The following XKR9 variants were observed in gnomAD, a reference collection of about 807,000 sequenced individuals.
The protein encoded by XKR9 is XK-related protein 9.
Under a neutral mutation model 32.0 loss-of-function variants are expected in XKR9, and 32 were observed. The observed-to-expected ratio is 1.00, with a 90% confidence interval of 0.76 to 1.34. The LOEUF (loss-of-function observed/expected upper bound fraction) is 1.34. Ranked by LOEUF, XKR9 falls within the 40% of genes most tolerant of loss-of-function variation. XKR9 has a pLI of 0.00. For synonymous variants in XKR9, 168 were observed against 143.4 expected, an observed-to-expected ratio of 1.17 and a Z score of -1.22; for missense variants, 546 against 429.7, an observed-to-expected ratio of 1.27 and a Z score of -2.39.
the XKR9 span, among the ~76,000 whole-genome samples, chr8:70,926,037 T>C: frequency 1.3e-5 from 2 of 152,324 alleles, no homozygotes; most frequent in East Asian, 3.9e-4. Context: ...CTTGTTATAC[T>C]GGAAAAAATA....
the XKR9 span, among the ~76,000 whole-genome samples, chr8:70,837,687 T>C: frequency 4.6e-5 from 7 of 152,056 alleles, 1 homozygote; most frequent in South Asian, 1.5e-3. Flanking sequence ...CAACCCTGGT[T>C]TGGAGGCAGC....
At chr8:70,720,660 T>C (rs1466357584) in intron 4 of XKR9, among the ~76,000 whole-genome samples, 1 of 152,140 alleles carries the variant, frequency 6.6e-6, no homozygotes, top group East Asian at 1.9e-4. Context: ...GACTTGATCG[T>C]GGTAGATAAG....
chr8:70,807,831 A>G, the XKR9 span, among the ~76,000 whole-genome samples: 1 of 152,308 alleles, frequency 6.6e-6, no homozygotes. Flanking sequence ...TTAACACCCC[A>G]CTGTCAATAT....
chr8:70,778,982 T>G (rs1807574213), intron 2 of XKR9, among the ~76,000 whole-genome samples: 1 of 152,218 alleles, frequency 6.6e-6, no homozygotes, highest in Non-Finnish European at 1.5e-5. Flanking sequence ...CTTCCAACAC[T>G]ATGTTGAATA....
the XKR9 span, among the ~76,000 whole-genome samples, chr8:71,051,409 T>A: frequency 6.6e-6 from 1 of 152,218 alleles, no homozygotes; most frequent in Non-Finnish European, 1.5e-5. Flanking sequence ...AAGAGAGGCC[T>A]TTTCTGTTGA....
chr8:71,004,544 T>C, the XKR9 span, among the ~76,000 whole-genome samples: 1 of 152,374 alleles, frequency 6.6e-6, no homozygotes, highest in South Asian at 2.1e-4. Context: ...AGCAGCTCCT[T>C]ACCAGACACT....
intron 4 of XKR9, among the ~76,000 whole-genome samples, chr8:70,709,419 C>G (rs1259305049): frequency 2.0e-5 from 3 of 152,186 alleles, no homozygotes; most frequent in Admixed American, 6.5e-5. Flanking sequence ...TCTCACCACT[C>G]CTGCTCCACA....
intron 2 of XKR9, among the ~76,000 whole-genome samples, chr8:70,759,453 G>A (rs1807276706): frequency 6.6e-6 from 1 of 152,182 alleles, no homozygotes; most frequent in Non-Finnish European, 1.5e-5. Context: ...CCTTTTTATT[G>A]TGAGATAGGT....
At chr8:70,938,697 G>A in the XKR9 span, among the ~76,000 whole-genome samples, 1 of 152,028 alleles carries the variant, frequency 6.6e-6, no homozygotes, top group South Asian at 2.1e-4. Flanking sequence ...TTTTTCGCTG[G>A]CCGTTTAGTA....
intron 4 of XKR9, among the ~76,000 whole-genome samples, chr8:70,727,500 A>G (rs1193775764): frequency 6.6e-6 from 1 of 152,104 alleles, no homozygotes; most frequent in Non-Finnish European, 1.5e-5. Flanking sequence ...TCCCGGATTC[A>G]GTCGATTCTT....
At chr8:70,880,811 C>A in the XKR9 span, among the ~76,000 whole-genome samples, 1 of 152,070 alleles carries the variant, frequency 6.6e-6, no homozygotes, top group Non-Finnish European at 1.5e-5. Flanking sequence ...CCCGTATAAC[C>A]AAGACAATCC....
chr8:70,828,360 A>G, the XKR9 span, among the ~76,000 whole-genome samples: 1 of 152,236 alleles, frequency 6.6e-6, no homozygotes, highest in African/African-American at 2.4e-5. Flanking sequence ...AACCGTGGGC[A>G]TGGAGAATGG....
At chr8:70,756,494 G>A (rs545886616) in intron 2 of XKR9, among the ~76,000 whole-genome samples, 1 of 152,270 alleles carries the variant, frequency 6.6e-6, no homozygotes, top group South Asian at 2.1e-4. Flanking sequence ...TTTGGTCCAT[G>A]AACATGAGAT....
At chr8:71,043,443 C>G in the XKR9 span, among the ~76,000 whole-genome samples, 2 of 152,208 alleles carry the variant, frequency 1.3e-5, no homozygotes, top group Non-Finnish European at 2.9e-5. Context: ...GCATACCCAT[C>G]CACAAGGTAA....
the XKR9 span, among the ~76,000 whole-genome samples, chr8:71,061,620 G>T: frequency 7.2e-5 from 11 of 152,302 alleles, no homozygotes; most frequent in South Asian, 2.3e-3. Context: ...AAGAGAAAGG[G>T]TGTTTTCATT....
intron 3 of XKR9, among the ~76,000 whole-genome samples, chr8:70,705,097 A>C (rs1805673485): frequency 1.3e-5 from 2 of 152,142 alleles, no homozygotes; most frequent in South Asian, 4.1e-4. Context: ...CTTATTTACA[A>C]TGGGAATACT....
At chr8:70,787,713 A>G (rs1289826688) in intron 2 of XKR9, among the ~76,000 whole-genome samples, 1 of 152,096 alleles carries the variant, frequency 6.6e-6, no homozygotes, top group Non-Finnish European at 1.5e-5. Flanking sequence ...ACACAGACAA[A>G]CCAAGTCTGT....
the XKR9 span, among the ~76,000 whole-genome samples, chr8:71,063,694 C>CA: frequency 1.7e-3 from 254 of 151,586 alleles, no homozygotes; most frequent in East Asian, 6.2e-3. Context: ...GTGCTTTCCA[C>CA]AAAAAAAAAT....
the XKR9 span, among the ~76,000 whole-genome samples, chr8:71,042,687 G>A: frequency 1.3e-5 from 2 of 151,802 alleles, no homozygotes; most frequent in African/African-American, 4.9e-5. Flanking sequence ...AAAATGTTTA[G>A]GATGTTTTAA....
Sources: gnomAD v4.1 joint callset for allele counts (sites outside exome capture counted in the v4.1 genomes callset) on GRCh38, gnomAD v4.1.1 for gene constraint, MANE v1.5 for transcripts, NCBI Gene and HGNC (gene_info 2026-07-23, HGNC 2026-07-21) for gene names.